Variants in PAMR1 observed in about 807,000 individuals in gnomAD.
PAMR1 encodes inactive serine protease PAMR1.
Under a neutral mutation model 81.8 loss-of-function variants are expected in PAMR1, and 88 were observed. The observed-to-expected ratio is 1.08, with a 90% confidence interval of 0.91 to 1.28. The LOEUF (loss-of-function observed/expected upper bound fraction) is 1.28. Ranked by LOEUF, PAMR1 falls within the 50% of genes most tolerant of loss-of-function variation. PAMR1 has a pLI of 0.00. For synonymous variants in PAMR1, 336 were observed against 345.3 expected, an observed-to-expected ratio of 0.97 and a Z score of 0.30; for missense variants, 935 against 919.7, an observed-to-expected ratio of 1.02 and a Z score of -0.21.
At chr11:35,509,090 A>C (rs1045893031) in intron 1 of PAMR1, among the ~76,000 whole-genome samples, 1 of 152,218 alleles carries the variant, frequency 6.6e-6, no homozygotes, top group Non-Finnish European at 1.5e-5. Flanking sequence ...TTGCAAAAAT[A>C]AAACCAGTTC....
At chr11:35,454,056 C>T (rs957749782) in intron 6 of PAMR1, among the ~76,000 whole-genome samples, 2 of 152,044 alleles carry the variant, frequency 1.3e-5, no homozygotes, top group African/African-American at 2.4e-5. Context: ...TTCCTCCAGG[C>T]AACTGTATGA....
intron 1 of PAMR1, among the ~76,000 whole-genome samples, chr11:35,509,126 G>T (rs1009253650): frequency 6.6e-6 from 1 of 152,174 alleles, no homozygotes; most frequent in Non-Finnish European, 1.5e-5. Flanking sequence ...TGATGGTTTG[G>T]ATGATTTTGT....
chr11:35,481,278 C>T (rs1850385378), intron 3 of PAMR1, among the ~76,000 whole-genome samples: 1 of 152,176 alleles, frequency 6.6e-6, no homozygotes, highest in African/African-American at 2.4e-5. Flanking sequence ...GAGGAATCAC[C>T]ACACTGTCTT....
intron 3 of PAMR1, 84 bp downstream of exon 3, chr11:35,491,961 C>G: frequency 7.9e-7 from 1 of 1,259,998 alleles, no homozygotes; most frequent in Non-Finnish European, 1.1e-6. Context: ...ACTCAGATTC[C>G]AAGGAGATAA....
intron 6 of PAMR1, among the ~76,000 whole-genome samples, chr11:35,452,192 A>C (rs924214965): frequency 1.3e-5 from 2 of 152,240 alleles, no homozygotes; most frequent in African/African-American, 4.8e-5. Flanking sequence ...AAGGAAACAC[A>C]TGGAACTGAA....
intron 3 of PAMR1, among the ~76,000 whole-genome samples, chr11:35,486,274 A>G (rs1309231146): frequency 1.3e-5 from 2 of 152,218 alleles, no homozygotes; most frequent in African/African-American, 4.8e-5. Flanking sequence ...AACGTAATTG[A>G]ACAAGCAAAA....
chr11:35,490,872 T>C (rs1005529834), intron 3 of PAMR1, among the ~76,000 whole-genome samples: 3 of 152,178 alleles, frequency 2.0e-5, no homozygotes, highest in African/African-American at 7.2e-5. Flanking sequence ...AGATGACTTG[T>C]CCAAGGTCAT....
At chr11:35,474,402 A>T (rs1283087761) in intron 4 of PAMR1, among the ~76,000 whole-genome samples, 2 of 152,186 alleles carry the variant, frequency 1.3e-5, no homozygotes, top group African/African-American at 4.8e-5. Flanking sequence ...TGCTTTGTTG[A>T]CGTTATCCTT....
At chr11:35,439,100 A>T (rs1381472368) in intron 8 of PAMR1, among the ~76,000 whole-genome samples, 1 of 152,160 alleles carries the variant, frequency 6.6e-6, no homozygotes, top group Non-Finnish European at 1.5e-5. Context: ...CCTCCCCACC[A>T]GGTGGACCCC....
chr11:35,522,427 C>T (rs921093268), intron 1 of PAMR1, among the ~76,000 whole-genome samples: 1 of 152,156 alleles, frequency 6.6e-6, no homozygotes, highest in African/African-American at 2.4e-5. Flanking sequence ...TTCTAAGTAC[C>T]TCATATAAGT....
chr11:35,487,134 T>C (rs1035195522), intron 3 of PAMR1, among the ~76,000 whole-genome samples: 1 of 151,734 alleles, frequency 6.6e-6, no homozygotes, highest in Non-Finnish European at 1.5e-5. Flanking sequence ...GTCAGCCCAG[T>C]TGAAATCAGT....
chr11:35,527,076 A>G (rs891246923), upstream of PAMR1, among the ~76,000 whole-genome samples: 1 of 152,088 alleles, frequency 6.6e-6, no homozygotes, highest in African/African-American at 2.4e-5. Context: ...AGCTCAGGAC[A>G]GATCAGAAGG....
chr11:35,479,369 G>C, intron 3 of PAMR1, among the ~76,000 whole-genome samples: 1 of 152,232 alleles, frequency 6.6e-6, no homozygotes, highest in East Asian at 1.9e-4. Flanking sequence ...ATTTGGAAAT[G>C]AGAATATTTG....
At chr11:35,522,516 C>T (rs529258095) in intron 1 of PAMR1, among the ~76,000 whole-genome samples, 32 of 152,298 alleles carry the variant, frequency 2.1e-4, no homozygotes, top group African/African-American at 7.2e-4. Flanking sequence ...TGTGTTATAG[C>T]ACGTATCAGA....
upstream of PAMR1, among the ~76,000 whole-genome samples, chr11:35,526,713 C>T (rs538569821): frequency 3.8e-4 from 58 of 152,296 alleles, 1 homozygote; most frequent in South Asian, 0.011. Flanking sequence ...GGCTATAGAG[C>T]TTCTTAGGAT....
upstream of PAMR1, chr11:35,525,773 A>G (rs756636682): frequency 1.1e-5 from 7 of 609,360 alleles, no homozygotes; most frequent in African/African-American, 3.7e-5. Context: ...CGTCAGCCCA[A>G]ACCTCTCCTC....
In PAMR1 at chr11:35,439,693, G is replaced by A. The variant is rs759356007; in HGVS notation, c.1034C>T (p.Ala345Val). Residue 345 changes from alanine (A) to valine (V), a missense_variant and splice_region_variant, in exon 8 of 11, where the codon GCC (alanine) becomes GTC (valine). By Grantham distance (64) the Ala-to-Val change is moderately conservative (BLOSUM62 0). Coordinates refer to ENST00000619888, the MANE Select transcript of PAMR1 (RefSeq NM_001001991.3). ...GTCTGAAATCTTTGGTTCTCGGCAG[G>A]CTAGAAATAAAAAAGACAATGCTGC... ...WSGKQPICIK[A>V]CREPKISDLV... is the part of the protein sequence containing the mutation. The A allele has an allele frequency of 3.2e-5, 52 of 1,612,418 alleles. No homozygotes were observed. In the Admixed American group the frequency reaches 8.7e-4, roughly 27 times the overall value.
chr11:35,506,916 G>T (rs1330061098), intron 1 of PAMR1, among the ~76,000 whole-genome samples: 2 of 143,388 alleles, frequency 1.4e-5, no homozygotes, highest in Non-Finnish European at 3.0e-5. Flanking sequence ...CTTTGCTCTT[G>T]TTCAACTCTC....
upstream of PAMR1, among the ~76,000 whole-genome samples, chr11:35,526,647 G>A (rs1035033328): frequency 6.6e-6 from 1 of 152,212 alleles, no homozygotes; most frequent in Non-Finnish European, 1.5e-5. Context: ...GTGAGGGGCA[G>A]AGCCAGGGTT....
Sources: allele counts gnomAD v4.1 joint callset (sites outside exome capture counted in the v4.1 genomes callset), GRCh38; gene constraint gnomAD v4.1.1; transcripts MANE v1.5; gene names NCBI Gene and HGNC (gene_info 2026-07-23, HGNC 2026-07-21).